The following ULK4 variants were observed in gnomAD, a reference collection of about 807,000 sequenced individuals.
The protein encoded by ULK4 is inactive serine/threonine-protein kinase ULK4.
In ULK4, 133 loss-of-function variants were observed where a neutral mutation model predicts 160.6. The observed-to-expected ratio is 0.83, with a 90% confidence interval of 0.72 to 0.96. The LOEUF (loss-of-function observed/expected upper bound fraction) is 0.96. ULK4 is among the 40% of genes least tolerant of loss of function. The probability of loss-of-function intolerance (pLI) is 0.00; values close to 1 mark genes in which losing one functional copy is unlikely to be tolerated. For missense variants in ULK4, 1,580 were observed against 1,499.5 expected, an observed-to-expected ratio of 1.05 and a Z score of -0.89; for synonymous variants, 534 against 539.8, an observed-to-expected ratio of 0.99 and a Z score of 0.15.
intron 35 of ULK4, among the ~76,000 whole-genome samples, chr3:41,369,589 T>C (rs1186146726): frequency 2.6e-5 from 4 of 151,326 alleles, no homozygotes; most frequent in Admixed American, 1.3e-4. Flanking sequence ...GGTCAGGAGA[T>C]CGAGACCATC....
At chr3:41,376,288 A>T (rs781154580) in intron 35 of ULK4, among the ~76,000 whole-genome samples, 5 of 150,286 alleles carry the variant, frequency 3.3e-5, no homozygotes, top group Admixed American at 6.6e-5. Flanking sequence ...TATCCAAAGG[A>T]TCATAAATCA....
chr3:41,872,013 G>T (rs1233960208), intron 17 of ULK4, among the ~76,000 whole-genome samples: 2 of 152,114 alleles, frequency 1.3e-5, no homozygotes. Flanking sequence ...TTGTGTTCTG[G>T]CAAGTAGCGT....
chr3:41,803,776 A>G (rs931698178), intron 19 of ULK4, among the ~76,000 whole-genome samples: 15 of 151,930 alleles, frequency 9.9e-5, no homozygotes, highest in Non-Finnish European at 8.8e-5. Context: ...GAGAATGATG[A>G]TTTCCAATTT....
intron 33 of ULK4, among the ~76,000 whole-genome samples, chr3:41,460,835 C>T (rs2083665898): frequency 6.6e-6 from 1 of 152,114 alleles, no homozygotes; most frequent in African/African-American, 2.4e-5. Context: ...AGTCTCACAA[C>T]CACCCCGCAG....
chr3:41,666,167 T>C (rs776050175), intron 29 of ULK4, among the ~76,000 whole-genome samples: 110 of 152,232 alleles, frequency 7.2e-4, no homozygotes, highest in Non-Finnish European at 1.5e-4. Context: ...AGGTTGGTCA[T>C]GTAGGCATGG....
intron 17 of ULK4, among the ~76,000 whole-genome samples, chr3:41,844,396 G>A (rs556157660): frequency 1.7e-3 from 266 of 152,264 alleles, no homozygotes; most frequent in African/African-American, 6.0e-3. Flanking sequence ...CACACCCTCC[G>A]CAGCCGCTGG....
At chr3:41,250,069 T>C (rs75092388) in intron 35 of ULK4, among the ~76,000 whole-genome samples, 2,708 of 152,236 alleles carry the variant, frequency 0.018, 85 homozygotes, top group African/African-American at 0.061. Flanking sequence ...CCAGGAAGTG[T>C]GCCCATGCTA....
chr3:41,669,450 G>T (rs1026902757), intron 29 of ULK4, among the ~76,000 whole-genome samples: 1 of 152,126 alleles, frequency 6.6e-6, no homozygotes, highest in African/African-American at 2.4e-5. Context: ...TAGAGACAAG[G>T]TCTCACTATG....
At chr3:41,304,340 T>C (rs562578883) in intron 35 of ULK4, among the ~76,000 whole-genome samples, 8 of 149,852 alleles carry the variant, frequency 5.3e-5, no homozygotes, top group Non-Finnish European at 8.8e-5. Context: ...GTATGATATG[T>C]AAAACAGTGA....
chr3:41,495,161 C>A (rs1235023795), intron 32 of ULK4, among the ~76,000 whole-genome samples: 2 of 152,206 alleles, frequency 1.3e-5, no homozygotes, highest in Non-Finnish European at 2.9e-5. Context: ...GGAGGCATCA[C>A]ACTACCTGAC....
intron 30 of ULK4, among the ~76,000 whole-genome samples, chr3:41,618,169 G>T (rs1381485484): frequency 6.6e-6 from 1 of 152,188 alleles, no homozygotes; most frequent in Non-Finnish European, 1.5e-5. Context: ...GAAAGTGATA[G>T]GGAGAATGGA....
At chr3:41,779,986 A>T (rs1292824833) in intron 21 of ULK4, among the ~76,000 whole-genome samples, 38 of 54,130 alleles carry the variant, frequency 7.0e-4, no homozygotes, top group African/African-American at 1.9e-3. Flanking sequence ...AGAGTATAAT[A>T]AAAAAAAAAA....
chr3:41,856,592 T>TATATATATATGTGTATATATATACACAC (rs2042365604), intron 17 of ULK4, among the ~76,000 whole-genome samples: 2 of 67,816 alleles, frequency 2.9e-5, no homozygotes, highest in Non-Finnish European at 5.3e-5. Context: ...TATATACACA[T>TATATATATATGTGTATATATATACACAC]ATATATATAT....
chr3:41,922,622 T>C (rs1418995408), intron 5 of ULK4, among the ~76,000 whole-genome samples: 1 of 18,726 alleles, frequency 5.3e-5, no homozygotes, highest in Non-Finnish European at 9.4e-5. Flanking sequence ...GTGAGGGGGG[T>C]GGCAAGGTGG....
chr3:41,404,603 C>A (rs972844302), intron 34 of ULK4, among the ~76,000 whole-genome samples: 1 of 152,100 alleles, frequency 6.6e-6, no homozygotes, highest in African/African-American at 2.4e-5. Flanking sequence ...GGAGGTGGAA[C>A]CTTTAAGAGG....
intron 17 of ULK4, among the ~76,000 whole-genome samples, chr3:41,846,542 C>A (rs1457514378): frequency 6.6e-6 from 1 of 152,070 alleles, no homozygotes; most frequent in Non-Finnish European, 1.5e-5. Context: ...CAGTGGCTCA[C>A]ACCTGTAATC....
At position 41,911,360 on chromosome 3, in the gene ULK4, T is replaced by G. The variant is rs35263917; in HGVS notation, c.1042A>C (p.Ser348Arg). 1 of 1,614,038 alleles carries G rather than the reference T, an allele frequency of 6.2e-7. No individual in the cohort carries two copies. Among genetic ancestry groups the G allele is most frequent in the Admixed American group, 1.7e-5 (1 of 60,012 alleles). Residue 348 changes from serine to arginine, a missense_variant, in exon 11 of 37, where the codon AGT becomes CGT. By Grantham distance (110) the Ser-to-Arg change is moderately radical. Transcript: ENST00000301831. ...LENPTEFRPK[S>R]TLEGQLNESM... ...TCATTCAATTGACCCTCAAGAGTAC[T>G]CTTAGGCCGAAACTCAGTTGGATTT...
chr3:41,953,106 T>C (rs1435137866), intron 2 of ULK4, among the ~76,000 whole-genome samples: 2 of 151,922 alleles, frequency 1.3e-5, no homozygotes, highest in Admixed American at 6.6e-5. Flanking sequence ...AAAACAGTTA[T>C]GGGGATAGAT....
intron 34 of ULK4, among the ~76,000 whole-genome samples, chr3:41,442,840 G>A (rs895122345): frequency 6.6e-6 from 1 of 152,280 alleles, no homozygotes; most frequent in East Asian, 1.9e-4. Context: ...ACTCTGTAAC[G>A]TGAAACATTA....
Sources: gnomAD v4.1 joint callset for allele counts (sites outside exome capture counted in the v4.1 genomes callset) on GRCh38, gnomAD v4.1.1 for gene constraint, MANE v1.5 for transcripts, NCBI Gene and HGNC (gene_info 2026-07-23, HGNC 2026-07-21) for gene names.